Variants in DMD observed in about 807,000 individuals in gnomAD.
DMD encodes the protein dystrophin.
Under a neutral mutation model 330.1 loss-of-function variants are expected in DMD, and 63 were observed. The ratio of observed to expected loss-of-function variants is 0.19; its 90% CI spans 0.16 to 0.24. DMD has a LOEUF of 0.24. Ranked by LOEUF, DMD falls within the 10% of genes least tolerant of loss-of-function variation. DMD has a pLI of 1.00. For synonymous variants in DMD, 1,223 were observed against 959.8 expected (o/e 1.27, Z -5.07); for missense variants, 3,344 against 2,684.1 (o/e 1.25, Z -5.43).
At chrX:31,825,506 T>C (rs1344363288) in intron 49 of DMD, among the ~76,000 whole-genome samples, 1 of 111,845 alleles carries the variant, frequency 8.9e-6, no homozygotes, top group East Asian at 2.8e-4. Context: ...GCTGTTTCTA[T>C]GTTTCTACCA....
chrX:32,377,781 G>A (rs1333648770), intron 34 of DMD, among the ~76,000 whole-genome samples: 2 of 111,400 alleles, frequency 1.8e-5, no homozygotes, highest in African/African-American at 3.3e-5. Flanking sequence ...TTGCATGCCT[G>A]TATAAAAATG....
rs2098348626 is a variant in DMD, at chrX:32,454,684, T to A, written c.3581A>T (p.Gln1194Leu). ...DFEYKTPDEL[Q>L]KAVEEMKRAK... Reference sequence around the variant, plus strand: ...TACCTTCATCTCTTCAACTGCTTTCTGTAATTCATCTGGAGTTTTATATTC... The same window carrying A: ...TACCTTCATCTCTTCAACTGCTTTCAGTAATTCATCTGGAGTTTTATATTC... Residue 1194 changes from glutamine to leucine, a missense_variant, in exon 26 of 79, where the codon CAG becomes CTG. Physicochemically the swap from Gln to Leu is moderately radical, Grantham distance 113. Coordinates refer to ENST00000357033, the MANE Select transcript of DMD (RefSeq NM_004006.3). 3.3e-6 allele frequency: 4 copies of A among 1,195,669 alleles called. No individual in the cohort carries two copies. The East Asian group carries it at 1.2e-4, about 36-fold the overall frequency.
chrX:31,119,361 A>AT lies in DMD; in HGVS notation c.*2557dup, dbSNP rs2031940100. On this transcript the variant is annotated 3_prime_UTR_variant, in exon 79 of 79. Coordinates refer to ENST00000357033, the MANE Select transcript of DMD (RefSeq NM_004006.3). ...TGAAGTTTAAAAAAATAATTCGTAA[A>AT]TGTTACAGTGTTGGTGTTAAAACAC... The AT allele has an allele frequency of 8.9e-6, 1 of 112,177 alleles. No homozygotes were observed. Among genetic ancestry groups the AT allele is most frequent in the African/African-American group, 3.2e-5 (1 of 30,854 alleles). The allele number at this position is 112,177 out of a possible 1,213,427, so 9.2% of individuals were successfully genotyped here.
At chrX:31,528,962 T>C (rs781179024) in intron 55 of DMD, among the ~76,000 whole-genome samples, 44 of 110,962 alleles carry the variant, frequency 4.0e-4, no homozygotes, top group South Asian at 1.9e-3. Flanking sequence ...ATGACTCTTA[T>C]CTCTACAATA....
At chrX:31,481,490 T>C (rs754464969) in intron 57 of DMD, among the ~76,000 whole-genome samples, 1 of 111,559 alleles carries the variant, frequency 9.0e-6, no homozygotes, top group South Asian at 3.8e-4. Context: ...GTGTGAAAAT[T>C]TGGTGACTGA....
At chrX:31,444,723 T>G in intron 59 of DMD, 96 bp from the exon 60 acceptor site, 6 of 920,191 alleles carry the variant, frequency 6.5e-6, no homozygotes, top group Non-Finnish European at 9.4e-6. Flanking sequence ...GCAGTGCCAG[T>G]AATGTTTGCT....
intron 1 of DMD, among the ~76,000 whole-genome samples, chrX:33,259,229 A>G (rs2052910044): frequency 9.1e-6 from 1 of 110,333 alleles, no homozygotes; most frequent in Non-Finnish European, 1.9e-5. Context: ...GAGGTTTCTC[A>G]TATACCATCT....
chrX:32,356,895 A>G (rs778269966), intron 37 of DMD, among the ~76,000 whole-genome samples: 2 of 111,541 alleles, frequency 1.8e-5, no homozygotes, highest in African/African-American at 6.5e-5. Context: ...AATTTTTTTT[A>G]ATTTTTATTT....
intron 52 of DMD, among the ~76,000 whole-genome samples, chrX:31,692,300 C>A (rs2083177858): frequency 9.1e-6 from 1 of 110,473 alleles, no homozygotes; most frequent in South Asian, 3.8e-4. Context: ...CAATAAATTC[C>A]TACATCAAAA....
chrX:31,166,686 A>G (rs1403004664), intron 74 of DMD, among the ~76,000 whole-genome samples: 1 of 111,314 alleles, frequency 9.0e-6, no homozygotes, highest in Non-Finnish European at 1.9e-5. Context: ...AGGGCTCTGA[A>G]GCTCCTTGCG....
intron 71 of DMD, among the ~76,000 whole-genome samples, chrX:31,175,093 C>T (rs1317235134): frequency 1.8e-5 from 2 of 111,891 alleles, no homozygotes; most frequent in Admixed American, 9.5e-5. Flanking sequence ...ATGCTAAGGT[C>T]TGTTTTGAAA....
At chrX:33,233,174 T>C (rs1210443329) in intron 1 of DMD, among the ~76,000 whole-genome samples, 1 of 112,079 alleles carries the variant, frequency 8.9e-6, no homozygotes, top group Non-Finnish European at 1.9e-5. Flanking sequence ...AGCACCATAT[T>C]GTAACCTATA....
chrX:32,507,018 T>C (rs1258496738), intron 18 of DMD, among the ~76,000 whole-genome samples: 1 of 111,913 alleles, frequency 8.9e-6, no homozygotes, highest in Non-Finnish European at 1.9e-5. Context: ...CATACTTGTT[T>C]TTCACTACTT....
chrX:32,012,555 A>G (rs1170213086), intron 44 of DMD, among the ~76,000 whole-genome samples: 1 of 112,002 alleles, frequency 8.9e-6, no homozygotes, highest in Non-Finnish European at 1.9e-5. Context: ...TATTAAAGCT[A>G]TACAGCTTCT....
intron 2 of DMD, among the ~76,000 whole-genome samples, chrX:32,899,182 T>G (rs1042185558): frequency 1.8e-5 from 2 of 112,362 alleles, no homozygotes; most frequent in African/African-American, 6.4e-5. Flanking sequence ...GGCGTGCCAT[T>G]TGCCAGTATT....
intron 12 of DMD, among the ~76,000 whole-genome samples, chrX:32,612,021 T>G (rs920014225): frequency 3.1e-4 from 33 of 106,294 alleles, no homozygotes; most frequent in African/African-American, 1.1e-3. Flanking sequence ...TTGGGTTAGA[T>G]TCCTCCAAAA....
chrX:31,590,850 A>G (rs1207355964), intron 55 of DMD, among the ~76,000 whole-genome samples: 1 of 112,023 alleles, frequency 8.9e-6, no homozygotes, highest in African/African-American at 3.2e-5. Context: ...AGATGTTAAG[A>G]TAGACTATTT....
chrX:32,464,547 A>T, intron 24 of DMD, 39 bp downstream of exon 24: 2 of 1,011,053 alleles, frequency 2.0e-6, no homozygotes, highest in Non-Finnish European at 2.8e-6. Flanking sequence ...ATATTCATAC[A>T]AAATTATTCA....
intron 1 of DMD, among the ~76,000 whole-genome samples, chrX:33,194,050 C>A (rs2050795052): frequency 9.1e-6 from 1 of 110,277 alleles, no homozygotes; most frequent in Admixed American, 9.8e-5. Context: ...GACTCAGTTA[C>A]CTCATCTGAC....
Sources: gnomAD v4.1 joint callset for allele counts (sites outside exome capture counted in the v4.1 genomes callset) on GRCh38, gnomAD v4.1.1 for gene constraint, MANE v1.5 for transcripts, NCBI Gene and HGNC (gene_info 2026-07-23, HGNC 2026-07-21) for gene names.